The following PHACTR3 variants were observed in gnomAD, a reference collection of about 807,000 sequenced individuals.
PHACTR3 encodes protein phosphatase 1, regulatory subunit 123.
PHACTR3 carries 16 observed loss-of-function variants against 66.8 expected under a neutral mutation model. That is an observed-to-expected ratio of 0.24 (90% CI 0.16 to 0.36). The LOEUF (loss-of-function observed/expected upper bound fraction) is 0.36, where lower values mean the gene tolerates loss of function less well. Ranked by LOEUF, PHACTR3 falls within the 10% of genes least tolerant of loss-of-function variation. PHACTR3 has a pLI of 1.00. For missense variants in PHACTR3, 647 were observed against 719.9 expected, an observed-to-expected ratio of 0.90 and a Z score of 1.16; for synonymous variants, 323 against 292.1, an observed-to-expected ratio of 1.11 and a Z score of -1.08.
chr20:59,748,169 AT>A (rs963464800), intron 3 of PHACTR3, among the ~76,000 whole-genome samples: 4 of 151,510 alleles, frequency 2.6e-5, no homozygotes, highest in South Asian at 2.1e-4. Flanking sequence ...TTCAGCATTA[AT>A]TTTTTTTTCA....
At chr20:59,589,529 C>T (rs1285685725) in intron 1 of PHACTR3, among the ~76,000 whole-genome samples, 2 of 152,156 alleles carry the variant, frequency 1.3e-5, no homozygotes, top group Non-Finnish European at 2.9e-5. Flanking sequence ...ATTTATAGCT[C>T]GGGCTACGAG....
intron 1 of PHACTR3, among the ~76,000 whole-genome samples, chr20:59,637,176 T>C (rs1219704425): frequency 6.6e-6 from 1 of 152,236 alleles, no homozygotes; most frequent in East Asian, 1.9e-4. Context: ...CTTTGTTTCC[T>C]GTATGGGGTC....
chr20:59,768,292 C>T (rs775631011), intron 5 of PHACTR3, among the ~76,000 whole-genome samples: 23 of 152,200 alleles, frequency 1.5e-4, no homozygotes, highest in Admixed American at 3.9e-4. Flanking sequence ...GCCTTGCGTG[C>T]TGTCTTTGAA....
intron 8 of PHACTR3, 144 bp downstream of exon 8, chr20:59,806,338 C>T (rs997833934): frequency 5.9e-5 from 60 of 1,020,672 alleles, no homozygotes; most frequent in East Asian, 4.2e-4. Flanking sequence ...CCACCGTTGA[C>T]GTTTGGGGCC....
intron 8 of PHACTR3, among the ~76,000 whole-genome samples, chr20:59,832,833 CA>C (rs1185517346): frequency 2.6e-5 from 4 of 152,196 alleles, no homozygotes; most frequent in Admixed American, 2.6e-4. Context: ...CTCTGGATCC[CA>C]ACTAAAGTGT....
chr20:59,587,649 C>A (rs978139134), intron 1 of PHACTR3, among the ~76,000 whole-genome samples: 1 of 152,212 alleles, frequency 6.6e-6, no homozygotes, highest in Non-Finnish European at 1.5e-5. Flanking sequence ...GGAGAGAATT[C>A]ACTTCCTGCT....
At chr20:59,624,339 G>A (rs2034369198) in intron 1 of PHACTR3, among the ~76,000 whole-genome samples, 1 of 152,148 alleles carries the variant, frequency 6.6e-6, no homozygotes, top group African/African-American at 2.4e-5. Flanking sequence ...ATCTTCTAGA[G>A]CAGGAGTCTC....
chr20:59,769,299 G>A lies in PHACTR3; in HGVS notation c.751+1904G>A, dbSNP rs914361801. 3.3e-5 allele frequency among the ~76,000 whole-genome samples: 5 copies of A among 152,296 alleles called. No homozygotes were observed. The South Asian group carries it at 8.3e-4, about 25-fold the overall frequency. ...CAGAACATGACCTTGTTTGGAATAAGGGTCTCTCAACTGCCATTAAGTTAA... is the reference window on the plus strand; with the variant it reads ...CAGAACATGACCTTGTTTGGAATAAAGGTCTCTCAACTGCCATTAAGTTAA... On this transcript the variant is annotated intron_variant, in intron 5 of 12. Transcript: ENST00000371015.
At chr20:59,842,048 C>G (rs2059072950) in intron 11 of PHACTR3, among the ~76,000 whole-genome samples, 1 of 152,194 alleles carries the variant, frequency 6.6e-6, no homozygotes, top group Admixed American at 6.5e-5. Context: ...TCCCCCTGGA[C>G]TTGTGCAGTT....
chr20:59,832,208 C>T (rs1024168159), intron 8 of PHACTR3, among the ~76,000 whole-genome samples: 2 of 152,206 alleles, frequency 1.3e-5, no homozygotes, highest in Admixed American at 6.5e-5. Flanking sequence ...GATCACATTC[C>T]TCTCTCTGAG....
intron 8 of PHACTR3, among the ~76,000 whole-genome samples, chr20:59,819,639 C>T (rs553827411): frequency 2.6e-5 from 4 of 152,310 alleles, no homozygotes; most frequent in East Asian, 3.9e-4. Context: ...CCGTGTGTGG[C>T]CTGGTTGGGC....
chr20:59,839,819 T>G (rs965528960), intron 9 of PHACTR3, among the ~76,000 whole-genome samples: 1 of 152,194 alleles, frequency 6.6e-6, no homozygotes, highest in African/African-American at 2.4e-5. Flanking sequence ...TGTGTTAAGA[T>G]TTGAAATATA....
intron 1 of PHACTR3, among the ~76,000 whole-genome samples, chr20:59,706,278 A>G (rs1177711571): frequency 6.6e-6 from 1 of 152,216 alleles, no homozygotes; most frequent in East Asian, 1.9e-4. Context: ...GTTAATGAGA[A>G]GAGTCTGATA....
intron 9 of PHACTR3, among the ~76,000 whole-genome samples, chr20:59,837,456 C>T (rs2058986620): frequency 6.6e-6 from 1 of 152,190 alleles, no homozygotes; most frequent in African/African-American, 2.4e-5. Flanking sequence ...ATTCCTCCCT[C>T]CTTTCTTTGC....
chr20:59,669,040 G>A (rs551062650), intron 1 of PHACTR3, among the ~76,000 whole-genome samples: 16 of 152,028 alleles, frequency 1.1e-4, no homozygotes, highest in Non-Finnish European at 2.4e-4. Flanking sequence ...GAACCACTGC[G>A]CCCGGCCCAA....
At chr20:59,789,971 T>A (rs2041038243) in intron 7 of PHACTR3, among the ~76,000 whole-genome samples, 1 of 152,246 alleles carries the variant, frequency 6.6e-6, no homozygotes, top group African/African-American at 2.4e-5. Context: ...TCCTTGTAAC[T>A]AAGACTTTGT....
At chr20:59,686,456 T>A (rs2036863051) in intron 1 of PHACTR3, among the ~76,000 whole-genome samples, 1 of 152,226 alleles carries the variant, frequency 6.6e-6, no homozygotes, top group Admixed American at 6.5e-5. Flanking sequence ...GTAATTTCCA[T>A]GTAAATGTGA....
intron 1 of PHACTR3, among the ~76,000 whole-genome samples, chr20:59,586,924 C>T (rs917188486): frequency 2.6e-5 from 4 of 152,196 alleles, no homozygotes; most frequent in African/African-American, 4.8e-5. Flanking sequence ...GATTCTTGGT[C>T]GTTCTGTGAT....
intron 8 of PHACTR3, among the ~76,000 whole-genome samples, chr20:59,827,723 C>A (rs534557338): frequency 1.1e-4 from 16 of 152,260 alleles, no homozygotes; most frequent in South Asian, 1.0e-3. Context: ...ATTTCTCCTG[C>A]AGGGTGGGGT....
Sources: allele counts gnomAD v4.1 joint callset (sites outside exome capture counted in the v4.1 genomes callset), GRCh38; gene constraint gnomAD v4.1.1; transcripts MANE v1.5; gene names NCBI Gene and HGNC (gene_info 2026-07-23, HGNC 2026-07-21).